TTC39B: variants seen among roughly 807,000 people sequenced by gnomAD.
The protein encoded by TTC39B is tetratricopeptide repeat domain 39B.
Under a neutral mutation model 96.6 loss-of-function variants are expected in TTC39B, and 92 were observed. The observed-to-expected ratio is 0.95, with a 90% CI of 0.80 to 1.13. TTC39B has a LOEUF of 1.13. TTC39B is among the 50% of genes most tolerant of loss of function. TTC39B has a pLI of 0.00. For synonymous variants in TTC39B, 367 were observed against 299.4 expected (o/e 1.23, Z -2.33); for missense variants, 955 against 809.3 (o/e 1.18, Z -2.18).
exon 20 of TTC39B, chr9:15,164,972 C>G (rs190799252): frequency 6.6e-6 from 1 of 152,244 alleles, no homozygotes. Flanking sequence ...AAATTATTTT[C>G]TTAAAGAAAA....
At chr9:15,183,464 C>CA (rs35283660) in intron 16 of TTC39B, 35,255 of 257,788 alleles carry the variant, frequency 0.14, 2,302 homozygotes, top group African/African-American at 0.2. Flanking sequence ...TTCCTAGGTA[C>CA]AAAAAAAAAA....
At chr9:15,261,843 C>T (rs1460562333) in intron 2 of TTC39B, among the ~76,000 whole-genome samples, 2 of 152,158 alleles carry the variant, frequency 1.3e-5, no homozygotes, top group Non-Finnish European at 2.9e-5. Flanking sequence ...TTATACCCAC[C>T]ACTACATTGT....
intron 1 of TTC39B, among the ~76,000 whole-genome samples, chr9:15,305,983 G>A (rs761181281): frequency 3.9e-5 from 6 of 152,202 alleles, no homozygotes; most frequent in Non-Finnish European, 8.8e-5. Context: ...CTGTCATGCA[G>A]AGGAGCTGTA....
intron 2 of TTC39B, among the ~76,000 whole-genome samples, chr9:15,256,756 C>T (rs1413372449): frequency 1.3e-5 from 2 of 152,064 alleles, no homozygotes; most frequent in Non-Finnish European, 2.9e-5. Flanking sequence ...CGCTCCAATC[C>T]GGAGCAGCAC....
rs1164742940 is a variant in TTC39B, at chr9:15,278,546, G to C, written c.241-10598C>G. ...CTCTATCCAATCTACCTAATTTACAGTAAACAGGAATATCTGGGGCTGTTT... is the reference window on the plus strand; with the variant it reads ...CTCTATCCAATCTACCTAATTTACACTAAACAGGAATATCTGGGGCTGTTT... On this transcript the variant is annotated intron_variant, in intron 1 of 19. Coordinates refer to ENST00000512701, the Ensembl canonical transcript of TTC39B. 2.0e-5 allele frequency among the ~76,000 whole-genome samples: 3 copies of C among 152,142 alleles called. No homozygotes were observed. In the East Asian group the frequency reaches 5.8e-4, roughly 29 times the overall value.
chr9:15,231,605 T>A (rs1821426296), intron 2 of TTC39B, among the ~76,000 whole-genome samples: 1 of 152,210 alleles, frequency 6.6e-6, no homozygotes, highest in Non-Finnish European at 1.5e-5. Context: ...GGTACAACTA[T>A]TTTCGAGGGT....
intron 2 of TTC39B, among the ~76,000 whole-genome samples, chr9:15,251,668 TACACAC>T (rs397839174): frequency 1.6e-4 from 19 of 116,574 alleles, no homozygotes; most frequent in Admixed American, 1.2e-3. Context: ...TATACGCGCA[TACACAC>T]ACACACACAC....
intron 2 of TTC39B, among the ~76,000 whole-genome samples, chr9:15,244,609 C>A (rs940107475): frequency 6.6e-6 from 1 of 152,188 alleles, no homozygotes; most frequent in Non-Finnish European, 1.5e-5. Flanking sequence ...TATAGTGGTG[C>A]TGATGTTATT....
At chr9:15,229,097 T>C (rs962277297) in intron 2 of TTC39B, among the ~76,000 whole-genome samples, 3 of 152,258 alleles carry the variant, frequency 2.0e-5, no homozygotes, top group African/African-American at 7.2e-5. Context: ...TACTGTCTAG[T>C]GTTTTAAGAA....
chr9:15,165,385 A>G (rs1337496453), exon 20 of TTC39B: 1 of 152,114 alleles, frequency 6.6e-6, no homozygotes, highest in Non-Finnish European at 1.5e-5. Flanking sequence ...CTCATTTATT[A>G]TCCCCAAAAT....
intron 1 of TTC39B, among the ~76,000 whole-genome samples, chr9:15,289,518 T>C (rs955245002): frequency 2.0e-5 from 3 of 152,078 alleles, no homozygotes; most frequent in Non-Finnish European, 4.4e-5. Flanking sequence ...CACAGAGAGG[T>C]TAAGTTACTT....
chr9:15,220,852 C>T (rs1295546406), intron 3 of TTC39B, among the ~76,000 whole-genome samples: 1 of 152,150 alleles, frequency 6.6e-6, no homozygotes, highest in Non-Finnish European at 1.5e-5. Flanking sequence ...TCAGGCTACA[C>T]ATTTTGGGCA....
At chr9:15,280,437 A>G (rs1239509133) in intron 1 of TTC39B, among the ~76,000 whole-genome samples, 2 of 152,234 alleles carry the variant, frequency 1.3e-5, no homozygotes, top group Non-Finnish European at 2.9e-5. Flanking sequence ...TGAGAAACAA[A>G]TGTTAAAAAT....
At chr9:15,219,639 A>G (rs918674157) in intron 3 of TTC39B, among the ~76,000 whole-genome samples, 2 of 152,198 alleles carry the variant, frequency 1.3e-5, no homozygotes, top group Admixed American at 6.5e-5. Flanking sequence ...TTCCCTGAGT[A>G]GGGACTTCAC....
chr9:15,198,191 G>A (rs925159153), intron 8 of TTC39B, among the ~76,000 whole-genome samples: 3 of 152,166 alleles, frequency 2.0e-5, no homozygotes, highest in African/African-American at 7.2e-5. Flanking sequence ...AGGCGCAGTG[G>A]CTCATGCCTG....
At chr9:15,214,340 GTGTGTGTC>G (rs1390966698) in intron 3 of TTC39B, 91 bp from the exon 4 acceptor site, 363 of 764,896 alleles carry the variant, frequency 4.7e-4, no homozygotes, top group African/African-American at 3.5e-3. Context: ...GTGTGTGTGT[GTGTGTGTC>G]TGTGTGTGTG....
In TTC39B at chr9:15,246,180, G is replaced by A. The variant is rs188768177; in HGVS notation, c.276-20168C>T. On this transcript the variant is annotated intron_variant, in intron 2 of 19. Transcript: ENST00000512701. ...AGGCAGGAGAATTGCTTGAACCTGG[G>A]AGGCAGAGGTTGTGGTGAGCCGAGA... is the stretch of plus-strand genomic sequence containing the variant. 2.5e-3 allele frequency among the ~76,000 whole-genome samples: 377 copies of A among 152,284 alleles called. 1 individual carries two copies. The highest frequency in any genetic ancestry group is 8.3e-3 in the African/African-American group (345 of 41,562).
intron 7 of TTC39B, among the ~76,000 whole-genome samples, chr9:15,200,964 A>G (rs546852592): frequency 6.6e-6 from 1 of 152,284 alleles, no homozygotes; most frequent in Non-Finnish European, 1.5e-5. Flanking sequence ...GCGCCACTGC[A>G]CTCCAGCCTG....
At chr9:15,280,410 A>T (rs1461705444) in intron 1 of TTC39B, among the ~76,000 whole-genome samples, 1 of 152,226 alleles carries the variant, frequency 6.6e-6, no homozygotes, top group African/African-American at 2.4e-5. Context: ...ACCGCATTGG[A>T]TGCTTTGAGG....
Sources: allele counts gnomAD v4.1 joint callset (sites outside exome capture counted in the v4.1 genomes callset), GRCh38; gene constraint gnomAD v4.1.1; transcripts MANE v1.5; gene names NCBI Gene and HGNC (gene_info 2026-07-23, HGNC 2026-07-21).